ADD1: variants seen among roughly 807,000 people sequenced by gnomAD.
ADD1 encodes the protein alpha-adducin.
ADD1 carries 24 observed loss-of-function variants against 80.5 expected under a neutral mutation model. That is an observed-to-expected ratio of 0.30 (90% CI 0.22 to 0.42). The LOEUF (loss-of-function observed/expected upper bound fraction) is 0.42, where lower values mean the gene tolerates loss of function less well. ADD1 is among the 10% of genes least tolerant of loss of function. The pLI is 1.00. For missense variants in ADD1, 948 were observed against 1,019.0 expected, an observed-to-expected ratio of 0.93 and a Z score of 0.95; for synonymous variants, 373 against 393.8, an observed-to-expected ratio of 0.95 and a Z score of 0.63.
intron 6 of ADD1, among the ~76,000 whole-genome samples, chr4:2,896,523 T>C (rs1735261086): frequency 6.6e-6 from 1 of 152,186 alleles, no homozygotes; most frequent in Admixed American, 6.5e-5. Flanking sequence ...ATTGATGTTT[T>C]AATGTCATGT....
chr4:2,927,898 C>T (rs1007083428), intron 15 of ADD1, among the ~76,000 whole-genome samples: 6 of 152,086 alleles, frequency 3.9e-5, no homozygotes, highest in Non-Finnish European at 8.8e-5. Context: ...GTCTTTCCGG[C>T]GGGGGGACCC....
intron 9 of ADD1, chr4:2,901,798 G>A (rs560515362): frequency 1.3e-5 from 2 of 151,084 alleles, no homozygotes; most frequent in South Asian, 4.2e-4. Context: ...TTCAAAAAGA[G>A]AGATAATATT....
intron 10 of ADD1, among the ~76,000 whole-genome samples, chr4:2,906,399 A>G (rs949788779): frequency 6.6e-6 from 1 of 152,056 alleles, no homozygotes; most frequent in Admixed American, 6.5e-5. Flanking sequence ...AAAACAAAAA[A>G]AAAAAACCCC....
In ADD1 at chr4:2,926,475, T is replaced by G; in HGVS notation, c.2047+363T>G. On this transcript the variant is annotated intron_variant, in intron 15 of 15. Coordinates refer to ENST00000683351, the MANE Select transcript of ADD1 (RefSeq NM_001354761.2). The surrounding 1 kb of genome is among the most constrained non-coding windows in gnomAD (Gnocchi z 5.0). Reference sequence around the variant, plus strand: ...CACGCCGGCTGCCTCTCAGCCACCGTGTGTCTGTGGTGTGTGATCCCGGGT... The same window carrying G: ...CACGCCGGCTGCCTCTCAGCCACCGGGTGTCTGTGGTGTGTGATCCCGGGT... The G allele has an allele frequency of 1.3e-6, 1 of 748,770 alleles. No individual in the cohort carries two copies. The highest frequency in any genetic ancestry group is 1.6e-5 in the South Asian group (1 of 63,728). 46.4% of individuals were successfully genotyped at this position (748,770 alleles called of 1,614,324 possible). A position where few individuals can be genotyped will look rare whatever the true frequency, so the allele number is the denominator to read the frequency against.
intron 2 of ADD1, among the ~76,000 whole-genome samples, chr4:2,878,566 G>T (rs1305201549): frequency 6.6e-6 from 1 of 152,158 alleles, no homozygotes; most frequent in Non-Finnish European, 1.5e-5. Context: ...GCCAGGCATT[G>T]TTCTAGGCAC....
chr4:2,925,122 C>T (rs947475888), intron 14 of ADD1, among the ~76,000 whole-genome samples: 5 of 152,130 alleles, frequency 3.3e-5, no homozygotes, highest in African/African-American at 1.2e-4. Flanking sequence ...GAGAATGTGC[C>T]ACAGGTAAAA....
chr4:2,907,809 A>G lies in ADD1; in HGVS notation c.1573A>G (p.Thr525Ala). 1 of 1,614,126 alleles carries G rather than the reference A, an allele frequency of 6.2e-7. No homozygotes were observed. Among genetic ancestry groups the G allele is most frequent in the East Asian group, 2.2e-5 (1 of 44,886 alleles). The change falls in exon 11 of 16, where the codon ACT (threonine) becomes GCT (alanine). Residue 525 changes from threonine (T) to alanine (A), a missense_variant. By Grantham distance (58) the Thr-to-Ala change is moderately conservative (BLOSUM62 0). Transcript: ENST00000683351. Reference sequence around the variant, plus strand: ...CCCTAACCTGTTTGTTCCATTGAACACTAACCCAAAAGAGGTCCAGGAGAT... The same window carrying G: ...CCCTAACCTGTTTGTTCCATTGAACGCTAACCCAAAAGAGGTCCAGGAGAT... ...AVPNLFVPLN[T>A]NPKEVQEMRN...
intron 13 of ADD1, among the ~76,000 whole-genome samples, chr4:2,911,820 G>T (rs1410125784): frequency 6.6e-6 from 1 of 152,186 alleles, no homozygotes; most frequent in African/African-American, 2.4e-5. Flanking sequence ...GATTAGAGAT[G>T]AAGATGTGAG....
chr4:2,916,609 G>A (rs190664645), intron 14 of ADD1, among the ~76,000 whole-genome samples: 16 of 152,120 alleles, frequency 1.1e-4, no homozygotes, highest in African/African-American at 3.4e-4. Context: ...AGGTATACAC[G>A]TGCCGTGGTG....
At chr4:2,915,362 T>G (rs1274327719) in intron 14 of ADD1, among the ~76,000 whole-genome samples, 1 of 151,940 alleles carries the variant, frequency 6.6e-6, no homozygotes, top group East Asian at 1.9e-4. Flanking sequence ...AAAATTAGGC[T>G]GGGCATGGTG....
chr4:2,904,283 AGTTCACTT>A (rs1425908253), intron 9 of ADD1, among the ~76,000 whole-genome samples: 1 of 152,174 alleles, frequency 6.6e-6, no homozygotes, highest in East Asian at 1.9e-4. Flanking sequence ...CACCTCCTTC[AGTTCACTT>A]GTCCCATCCC....
At chr4:2,859,953 CAGGTT>C (rs1728612723) in intron 1 of ADD1, among the ~76,000 whole-genome samples, 1 of 148,578 alleles carries the variant, frequency 6.7e-6, no homozygotes. Flanking sequence ...GAAACATTCT[CAGGTT>C]AGTACTGTTA....
intron 6 of ADD1, among the ~76,000 whole-genome samples, chr4:2,896,756 C>T (rs1049431029): frequency 2.0e-5 from 3 of 151,898 alleles, no homozygotes; most frequent in African/African-American, 4.8e-5. Flanking sequence ...TATCACGTAA[C>T]GTGTTTTTGT....
chr4:2,862,514 G>C (rs1212974148), intron 1 of ADD1, among the ~76,000 whole-genome samples: 2 of 152,224 alleles, frequency 1.3e-5, no homozygotes, highest in Non-Finnish European at 2.9e-5. Context: ...ACAAAAGCCA[G>C]TTCTTACCTG....
At position 2,914,867 on chromosome 4, in the gene ADD1, G is replaced by A. The variant is rs778075537; in HGVS notation, c.1792-17G>A. 104 of 1,600,710 alleles carry A rather than the reference G, an allele frequency of 6.5e-5. No homozygotes were observed. The highest frequency in any genetic ancestry group is 1.8e-4 in the Middle Eastern group (1 of 5,616). On this transcript the variant is annotated splice_polypyrimidine_tract_variant and intron_variant, in intron 13 of 15. Transcript: ENST00000683351. ...CGGGCCGGGCTCCTGCAGACCAGAT[G>A]TGCCTTTCATCCACAGGGAGAGCTG...
At chr4:2,894,848 T>G in intron 6 of ADD1, 117 bp downstream of exon 6, 1 of 1,166,492 alleles carries the variant, frequency 8.6e-7, no homozygotes. Context: ...TTGTTGAATA[T>G]AAAAAAAAAG....
chr4:2,918,396 G>T (rs1158400454), intron 14 of ADD1, among the ~76,000 whole-genome samples: 1 of 152,200 alleles, frequency 6.6e-6, no homozygotes, highest in African/African-American at 2.4e-5. Context: ...TTGCTTATCA[G>T]CTTAAGGAGA....
intron 9 of ADD1, chr4:2,901,452 C>G (rs1736163840): frequency 6.6e-6 from 1 of 152,138 alleles, no homozygotes; most frequent in Non-Finnish European, 1.5e-5. Context: ...GTAAAACATT[C>G]ATTACAAAAA....
chr4:2,860,962 G>A (rs1364863739), intron 1 of ADD1, among the ~76,000 whole-genome samples: 3 of 152,308 alleles, frequency 2.0e-5, no homozygotes, highest in African/African-American at 7.2e-5. Flanking sequence ...AAAAGTCCAG[G>A]GTGATTTGAG....
Sources: allele counts gnomAD v4.1 joint callset (sites outside exome capture counted in the v4.1 genomes callset), GRCh38; gene constraint gnomAD v4.1.1; non-coding constraint Gnocchi (gnomAD v3.1); transcripts MANE v1.5; gene names NCBI Gene and HGNC (gene_info 2026-07-23, HGNC 2026-07-21).